Variants in SORT1 observed in about 807,000 individuals in gnomAD.
The protein encoded by SORT1 is sortilin 1.
SORT1 carries 39 observed loss-of-function variants against 101.7 expected under a neutral mutation model. The observed-to-expected ratio is 0.38, with a 90% CI of 0.30 to 0.50. The LOEUF (loss-of-function observed/expected upper bound fraction) is 0.50. SORT1 is among the 20% of genes least tolerant of loss of function. The pLI is 0.90. For synonymous variants in SORT1, 396 were observed against 393.7 expected (o/e 1.01, Z -0.07); for missense variants, 878 against 1,040.4 (o/e 0.84, Z 2.15).
At chr1:109,356,165 C>T (rs1284248207) in intron 3 of SORT1, among the ~76,000 whole-genome samples, 1 of 152,182 alleles carries the variant, frequency 6.6e-6, no homozygotes, top group Non-Finnish European at 1.5e-5. Flanking sequence ...AGCCACTGTG[C>T]CCGGTCCTAC....
intron 9 of SORT1, 123 bp downstream of exon 9, chr1:109,341,891 G>GA: frequency 2.1e-6 from 2 of 941,478 alleles, no homozygotes; most frequent in South Asian, 1.4e-5. Flanking sequence ...CTCTAGGACA[G>GA]AAAAATCAGT....
At chr1:109,330,643 T>A (rs1358799913) in intron 11 of SORT1, among the ~76,000 whole-genome samples, 1 of 151,408 alleles carries the variant, frequency 6.6e-6, no homozygotes, top group Non-Finnish European at 1.5e-5. Context: ...ATAACTGAAA[T>A]AGAAGTTAGA....
intron 1 of SORT1, among the ~76,000 whole-genome samples, chr1:109,381,431 A>G (rs1652226231): frequency 6.6e-6 from 1 of 152,214 alleles, no homozygotes; most frequent in South Asian, 2.1e-4. Flanking sequence ...CAAGGAAAAA[A>G]AGAAGAAACG....
In SORT1 at chr1:109,316,058, G is replaced by A. The variant is rs142328695; in HGVS notation, c.2250+792C>T. Among the ~76,000 whole-genome samples, 155 of 151,752 alleles carry A rather than the reference G, an allele frequency of 1.0e-3. 2 individuals are homozygous for A. In the South Asian group the frequency reaches 0.022, roughly 22 times the overall value. On this transcript the variant is annotated intron_variant, in intron 17 of 19. Coordinates refer to ENST00000256637, the MANE Select transcript of SORT1 (RefSeq NM_002959.7). ...TATACAGGAGTAAGCCACCATGCCC[G>A]ACAGGTAACTTGCTTCATTTAAATC...
At chr1:109,316,162 A>G (rs557036929) in intron 17 of SORT1, among the ~76,000 whole-genome samples, 5 of 151,720 alleles carry the variant, frequency 3.3e-5, no homozygotes, top group Non-Finnish European at 7.4e-5. Context: ...CACCCTACCT[A>G]TTGCCCAGTG....
At chr1:109,325,507 T>C (rs2101547079) in intron 13 of SORT1, among the ~76,000 whole-genome samples, 1 of 152,204 alleles carries the variant, frequency 6.6e-6, no homozygotes, top group Admixed American at 6.5e-5. Context: ...CCCAAAGTGC[T>C]GGGATTATAG....
At chr1:109,355,637 T>G (rs2101605785) in intron 3 of SORT1, among the ~76,000 whole-genome samples, 168 bp from the exon 4 acceptor site, 2 of 40,334 alleles carry the variant, frequency 5.0e-5, no homozygotes, top group East Asian at 4.4e-3. Flanking sequence ...CCGAAGAACA[T>G]TCCACCCGCC....
At chr1:109,332,112 CCAAAGTGATCT>C (rs1322580139) in intron 11 of SORT1, among the ~76,000 whole-genome samples, 1 of 151,212 alleles carries the variant, frequency 6.6e-6, no homozygotes, top group Non-Finnish European at 1.5e-5. Flanking sequence ...TCCATACTAC[CCAAAGTGATCT>C]ACAGATTAAA....
At position 109,336,273 on chromosome 1, in the gene SORT1, A is replaced by C; in HGVS notation, c.1338T>G (p.Ser446Arg). Residue 446 changes from serine to arginine, a missense_variant, in exon 11 of 20, where the codon AGT becomes AGG. By Grantham distance (110) the Ser-to-Arg change is moderately radical. Transcript: ENST00000256637. ...TGTTTTTTGCTGTAGCATCACATTC[A>C]CTGTTTTCAGGCTTCCTCAGGTGCG... ...RWTHLRKPEN[S>R]ECDATAKNKN... The C allele has an allele frequency of 6.2e-7, 1 of 1,613,170 alleles. No individual in the cohort carries two copies. Among genetic ancestry groups the C allele is most frequent in the Middle Eastern group, 1.7e-4 (1 of 6,060 alleles).
intron 11 of SORT1, among the ~76,000 whole-genome samples, chr1:109,329,913 C>G (rs1203203753): frequency 6.6e-6 from 1 of 152,198 alleles, no homozygotes; most frequent in Non-Finnish European, 1.5e-5. Context: ...ACATTCTTTT[C>G]AAGTGCACAG....
chr1:109,333,296 A>C (rs1648585848), intron 11 of SORT1, among the ~76,000 whole-genome samples: 2 of 152,200 alleles, frequency 1.3e-5, no homozygotes, highest in Admixed American at 1.3e-4. Flanking sequence ...TAAGACTTGA[A>C]ACTGTAAAAC....
intron 1 of SORT1, chr1:109,392,937 C>T (rs904848905): frequency 6.7e-5 from 66 of 985,186 alleles, no homozygotes; most frequent in Non-Finnish European, 7.7e-5. Flanking sequence ...AGCTAGACGG[C>T]TGGGGGTGCT....
In SORT1 at chr1:109,314,789, TA is replaced by T; in HGVS notation, c.2251-12del. ...ATTTGACTTGGAATTCTTGAGAAAT[TA>T]AAACACAAACACAAAAGTTTTAGGC... On this transcript the variant is annotated splice_polypyrimidine_tract_variant and intron_variant, in intron 17 of 19. Coordinates refer to ENST00000256637, the MANE Select transcript of SORT1 (RefSeq NM_002959.7). 1 of 1,531,840 alleles carries T rather than the reference TA, an allele frequency of 6.5e-7. No homozygotes were observed. The highest frequency in any genetic ancestry group is 9.0e-7 in the Non-Finnish European group (1 of 1,105,430). 94.9% of individuals were successfully genotyped at this position (1,531,840 alleles called of 1,614,324 possible).
Position 109,350,911 on chromosome 1 carries a change from G to A in SORT1, c.782+18C>T. On this transcript the variant is annotated intron_variant, in intron 6 of 19. Coordinates refer to ENST00000256637, the MANE Select transcript of SORT1 (RefSeq NM_002959.7). ...AAGGGTTTAGGGCTCTGCACAGATG[G>A]AGTCTTCTGTTACTCACCATTTGGC... 1 of 1,545,520 alleles carries A rather than the reference G, an allele frequency of 6.5e-7. No homozygotes were observed. Among genetic ancestry groups the A allele is most frequent in the African/African-American group, 1.4e-5 (1 of 73,754 alleles).
intron 1 of SORT1, among the ~76,000 whole-genome samples, chr1:109,395,963 A>G (rs1432370752): frequency 6.6e-6 from 1 of 152,152 alleles, no homozygotes; most frequent in Non-Finnish European, 1.5e-5. Context: ...ATGTACCAGT[A>G]GTCCCGGCTA....
chr1:109,369,126 G>A (rs1054235514), intron 2 of SORT1, among the ~76,000 whole-genome samples: 2 of 152,106 alleles, frequency 1.3e-5, no homozygotes, highest in Admixed American at 6.6e-5. Flanking sequence ...TTCAAGACCA[G>A]CCTGGCCAAC....
At chr1:109,377,734 A>G (rs1651956095) in intron 1 of SORT1, among the ~76,000 whole-genome samples, 1 of 152,232 alleles carries the variant, frequency 6.6e-6, no homozygotes, top group African/African-American at 2.4e-5. Context: ...ACTGAGATTT[A>G]AGCAGAGTTT....
chr1:109,354,533 T>A lies in SORT1; in HGVS notation c.544-2A>T. 1 of 1,610,116 alleles carries A rather than the reference T, an allele frequency of 6.2e-7. No individual in the cohort carries two copies. The highest frequency in any genetic ancestry group is 8.5e-7 in the Non-Finnish European group (1 of 1,177,054). Reference sequence around the variant, plus strand: ...AGACACCTCTGCTGTTAACACCACCTGATAGGAAGAGGAAAGATCTGATTC... The same window carrying A: ...AGACACCTCTGCTGTTAACACCACCAGATAGGAAGAGGAAAGATCTGATTC... On this transcript the variant is annotated splice_acceptor_variant, in intron 4 of 19. Coordinates refer to ENST00000256637, the MANE Select transcript of SORT1 (RefSeq NM_002959.7). LOFTEE classifies it high-confidence loss of function.
intron 15 of SORT1, among the ~76,000 whole-genome samples, chr1:109,321,948 TGGCCTCTAAACCTTGATGG>T (rs1647661146): frequency 6.6e-6 from 1 of 152,194 alleles, no homozygotes; most frequent in Admixed American, 6.5e-5. Context: ...TCCACTTTGA[TGGCCTCTAAACCTTGATGG>T]GACCATGACT....
Sources: allele counts gnomAD v4.1 joint callset (sites outside exome capture counted in the v4.1 genomes callset), GRCh38; gene constraint gnomAD v4.1.1; transcripts MANE v1.5; gene names NCBI Gene and HGNC (gene_info 2026-07-23, HGNC 2026-07-21).